The following COP1 variants were observed in gnomAD, a reference collection of about 807,000 sequenced individuals.
COP1 encodes E3 ubiquitin-protein ligase COP1.
COP1 carries 24 observed loss-of-function variants against 101.3 expected under a neutral mutation model. The ratio of observed to expected loss-of-function variants is 0.24; its 90% CI spans 0.17 to 0.33. COP1 has a LOEUF of 0.33. COP1 is among the 10% of genes least tolerant of loss of function. COP1 has a pLI of 1.00. For missense variants in COP1, 663 were observed against 906.2 expected (o/e 0.73, Z 3.45); for synonymous variants, 347 against 341.9 (o/e 1.01, Z -0.17).
At chr1:176,020,373 T>A in intron 15 of COP1, among the ~76,000 whole-genome samples, 1 of 145,386 alleles carries the variant, frequency 6.9e-6, no homozygotes, top group East Asian at 2.1e-4. Context: ...GGTTTATACA[T>A]AGATATTAGT....
At chr1:176,104,979 T>C (rs1317003650) in intron 9 of COP1, among the ~76,000 whole-genome samples, 1 of 152,308 alleles carries the variant, frequency 6.6e-6, no homozygotes, top group Non-Finnish European at 1.5e-5. Flanking sequence ...GGAGGACTTC[T>C]ATGAACTTCC....
intron 15 of COP1, among the ~76,000 whole-genome samples, chr1:176,012,344 T>C (rs1156882133): frequency 1.3e-5 from 2 of 152,186 alleles, no homozygotes; most frequent in East Asian, 1.9e-4. Flanking sequence ...TTGGCTGATC[T>C]TGAACTCCTG....
At chr1:175,993,965 A>T (rs1185942265) in intron 15 of COP1, among the ~76,000 whole-genome samples, 1 of 152,186 alleles carries the variant, frequency 6.6e-6, no homozygotes, top group Non-Finnish European at 1.5e-5. Context: ...AGTTGAAATG[A>T]AGGAAAAAAT....
At chr1:176,179,660 C>A (rs540309226) in intron 2 of COP1, among the ~76,000 whole-genome samples, 2 of 152,056 alleles carry the variant, frequency 1.3e-5, no homozygotes, top group South Asian at 2.1e-4. Flanking sequence ...TTGCTTGAGC[C>A]CAGGAGATCG....
At chr1:176,129,407 A>G (rs1444514922) in intron 8 of COP1, among the ~76,000 whole-genome samples, 1 of 151,934 alleles carries the variant, frequency 6.6e-6, no homozygotes, top group African/African-American at 2.4e-5. Context: ...TAGGCAATTC[A>G]GGATTCAAAC....
intron 18 of COP1, among the ~76,000 whole-genome samples, chr1:175,951,232 A>G (rs1649847594): frequency 6.6e-6 from 1 of 151,896 alleles, no homozygotes; most frequent in Admixed American, 6.6e-5. Flanking sequence ...CTGGCCAACA[A>G]GAGCAAAACT....
chr1:176,181,668 C>G lies in COP1; in HGVS notation c.467+2965G>C, dbSNP rs369426728. Among the ~76,000 whole-genome samples, 400 of 152,034 alleles carry G rather than the reference C, an allele frequency of 2.6e-3. 3 individuals are homozygous for G. Among genetic ancestry groups the G allele is most frequent in the African/African-American group, 9.2e-3 (382 of 41,496 alleles). ...CCATCCTGGCTAACATGGTGAACCC[C>G]GTCTCTACTAAAAGTACAAAAAATT... On this transcript the variant is annotated intron_variant, in intron 2 of 19. Coordinates refer to ENST00000367669, the MANE Select transcript of COP1 (RefSeq NM_022457.7).
chr1:176,155,449 C>T (rs1031978594), intron 5 of COP1, among the ~76,000 whole-genome samples: 3 of 151,074 alleles, frequency 2.0e-5, no homozygotes, highest in African/African-American at 7.3e-5. Context: ...TATTTAAATT[C>T]ACAGGAAAAA....
intron 18 of COP1, among the ~76,000 whole-genome samples, chr1:175,967,488 AAAACAAAC>A (rs71129535): frequency 7.4e-4 from 112 of 151,094 alleles, no homozygotes; most frequent in South Asian, 4.2e-3. Context: ...TCAGTCTCAA[AAAACAAAC>A]AAACAAACAA....
At chr1:176,067,677 T>C (rs1676242178) in intron 11 of COP1, among the ~76,000 whole-genome samples, 3 of 152,124 alleles carry the variant, frequency 2.0e-5, no homozygotes, top group Non-Finnish European at 4.4e-5. Flanking sequence ...TCCAAGCCCA[T>C]GTGAGATCCA....
chr1:176,202,751 A>C (rs574174741), intron 1 of COP1, among the ~76,000 whole-genome samples: 9 of 152,192 alleles, frequency 5.9e-5, no homozygotes, highest in Non-Finnish European at 1.2e-4. Context: ...AAATGTAATT[A>C]ATAGGTAATG....
intron 5 of COP1, among the ~76,000 whole-genome samples, chr1:176,162,006 C>CA (rs1366114593): frequency 6.6e-6 from 1 of 152,106 alleles, no homozygotes; most frequent in Non-Finnish European, 1.5e-5. Flanking sequence ...ACCAAGAGTG[C>CA]AAATGACATT....
intron 14 of COP1, among the ~76,000 whole-genome samples, chr1:176,036,434 C>G (rs1344608122): frequency 6.6e-6 from 1 of 150,676 alleles, no homozygotes; most frequent in Non-Finnish European, 1.5e-5. Context: ...ACACAAAATA[C>G]CAATTATCAG....
chr1:176,167,946 A>G (rs1695385369), intron 3 of COP1, among the ~76,000 whole-genome samples: 1 of 148,550 alleles, frequency 6.7e-6, no homozygotes, highest in African/African-American at 2.4e-5. Context: ...AAGGACTTTT[A>G]TATGCATCAG....
intron 18 of COP1, among the ~76,000 whole-genome samples, chr1:175,972,483 T>TTTTTTTTTTA (rs1553281799): frequency 6.7e-6 from 1 of 150,012 alleles, no homozygotes; most frequent in African/African-American, 2.5e-5. Context: ...TTTTTTTTTT[T>TTTTTTTTTTA]GAGACAGAGT....
At chr1:176,026,341 TTAA>T (rs201358052) in intron 15 of COP1, among the ~76,000 whole-genome samples, 2 of 150,342 alleles carry the variant, frequency 1.3e-5, no homozygotes, top group South Asian at 2.1e-4. Context: ...ATACATAATA[TTAA>T]TAATAAAAAT....
intron 9 of COP1, among the ~76,000 whole-genome samples, chr1:176,109,935 C>T (rs955584575): frequency 2.6e-5 from 4 of 151,962 alleles, no homozygotes; most frequent in Non-Finnish European, 4.4e-5. Flanking sequence ...TGAAAGCATT[C>T]AAGACTATGA....
intron 11 of COP1, among the ~76,000 whole-genome samples, chr1:176,068,263 C>T (rs2149335252): frequency 6.6e-6 from 1 of 152,178 alleles, no homozygotes; most frequent in South Asian, 2.1e-4. Context: ...TTCTTCCCTC[C>T]CTCCTTTCTT....
At chr1:176,177,272 C>G (rs1697089886) in intron 2 of COP1, among the ~76,000 whole-genome samples, 1 of 149,564 alleles carries the variant, frequency 6.7e-6, no homozygotes, top group Non-Finnish European at 1.5e-5. Context: ...TGTGTGCCTC[C>G]CTATTAAAAA....
Sources: gnomAD v4.1 joint callset for allele counts (sites outside exome capture counted in the v4.1 genomes callset) on GRCh38, gnomAD v4.1.1 for gene constraint, MANE v1.5 for transcripts, NCBI Gene and HGNC (gene_info 2026-07-23, HGNC 2026-07-21) for gene names.